The following FAM135B variants were observed in gnomAD, a reference collection of about 807,000 sequenced individuals.
FAM135B encodes family with sequence similarity 135 member B, also known as protein FAM135B.
FAM135B carries 43 observed loss-of-function variants against 127.7 expected under a neutral mutation model. The ratio of observed to expected loss-of-function variants is 0.34; its 90% confidence interval spans 0.26 to 0.43. The LOEUF (loss-of-function observed/expected upper bound fraction) is 0.43. Ranked by LOEUF, FAM135B falls within the 20% of genes least tolerant of loss-of-function variation. The pLI is 1.00. For synonymous variants in FAM135B, 670 were observed against 665.1 expected, an observed-to-expected ratio of 1.01 and a Z score of -0.11; for missense variants, 1,558 against 1,725.6, an observed-to-expected ratio of 0.90 and a Z score of 1.72.
Position 138,197,652 on chromosome 8 carries a change from G to A in FAM135B, c.687C>T (p.Thr229=), listed in dbSNP as rs768648284. The A allele has an allele frequency of 4.3e-6, 7 of 1,614,076 alleles. No homozygotes were observed. Among genetic ancestry groups the A allele is most frequent in the Non-Finnish European group, 5.9e-6 (7 of 1,179,916 alleles). ...PTSSEGSFYI[T]SENCMQHAHK... is the part of the protein sequence containing the mutation. ...GTGCGTGCTGCATGCAGTTCTCAGAGGTGATGTAGAAGCTTCCCTAAGGGG... is the reference window on the plus strand; with the variant it reads ...GTGCGTGCTGCATGCAGTTCTCAGAAGTGATGTAGAAGCTTCCCTAAGGGG... Residue 229 remains threonine (T), a synonymous_variant, in exon 8 of 20, where the codon ACC becomes ACT. Coordinates refer to ENST00000395297, the MANE Select transcript of FAM135B (RefSeq NM_015912.4).
At chr8:138,197,344 T>G (rs2131133046) in intron 8 of FAM135B, among the ~76,000 whole-genome samples, 172 bp downstream of exon 8, 1 of 152,282 alleles carries the variant, frequency 6.6e-6, no homozygotes, top group East Asian at 1.9e-4. Context: ...CTTACTGCAT[T>G]TGCATTTCCC....
chr8:138,455,091 C>A (rs1178211495), intron 1 of FAM135B, among the ~76,000 whole-genome samples: 1 of 152,170 alleles, frequency 6.6e-6, no homozygotes, highest in Non-Finnish European at 1.5e-5. Context: ...GATTTTGTGA[C>A]CTTCAGAAAG....
At chr8:138,251,157 G>C in intron 5 of FAM135B, 143 bp from the exon 6 acceptor site, 3 of 981,004 alleles carry the variant, frequency 3.1e-6, no homozygotes, top group Non-Finnish European at 4.5e-6. Context: ...CTGCCTGGTA[G>C]AAATCATTTT....
chr8:138,210,747 C>A (rs1003908679), intron 7 of FAM135B, among the ~76,000 whole-genome samples: 2 of 152,158 alleles, frequency 1.3e-5, no homozygotes, highest in African/African-American at 2.4e-5. Context: ...GGTGCAGACA[C>A]AGAGTCAAAC....
intron 1 of FAM135B, among the ~76,000 whole-genome samples, chr8:138,491,641 T>C (rs1332757484): frequency 6.6e-6 from 1 of 152,216 alleles, no homozygotes. Flanking sequence ...AGCAAACATT[T>C]ACTGAGTGCA....
chr8:138,365,938 G>C (rs1282643618), intron 2 of FAM135B, among the ~76,000 whole-genome samples: 2 of 152,068 alleles, frequency 1.3e-5, no homozygotes, highest in Admixed American at 6.6e-5. Context: ...CTAATTATTA[G>C]TGAAGCTTGA....
chr8:138,323,773 G>A (rs1232514631), intron 2 of FAM135B, among the ~76,000 whole-genome samples: 4 of 152,216 alleles, frequency 2.6e-5, no homozygotes, highest in African/African-American at 9.6e-5. Context: ...GACACAGACA[G>A]TCTGACTTCT....
chr8:138,214,258 A>G (rs1818373314), intron 7 of FAM135B, among the ~76,000 whole-genome samples: 2 of 152,220 alleles, frequency 1.3e-5, no homozygotes, highest in South Asian at 4.1e-4. Context: ...GGTAATAAAC[A>G]GTTCTATCAA....
At chr8:138,265,628 A>G (rs1822853525) in intron 4 of FAM135B, 75 bp downstream of exon 4, 1 of 1,540,252 alleles carries the variant, frequency 6.5e-7, no homozygotes, top group Non-Finnish European at 8.9e-7. Context: ...TTCTTTCAAC[A>G]TTTACCTAGC....
At chr8:138,163,763 T>C (rs1446639088) in intron 12 of FAM135B, among the ~76,000 whole-genome samples, 2 of 152,152 alleles carry the variant, frequency 1.3e-5, no homozygotes, top group Non-Finnish European at 2.9e-5. Context: ...AACATACTAA[T>C]ACACCATGAA....
chr8:138,326,874 C>T (rs1456023575), intron 2 of FAM135B, among the ~76,000 whole-genome samples: 1 of 152,110 alleles, frequency 6.6e-6, no homozygotes, highest in Non-Finnish European at 1.5e-5. Context: ...ACACAGTAAG[C>T]ACCAAGTCCT....
chr8:138,440,899 T>C (rs1835721542), intron 1 of FAM135B: 1 of 152,182 alleles, frequency 6.6e-6, no homozygotes, highest in Non-Finnish European at 1.5e-5. Flanking sequence ...ACTGTGTGAG[T>C]TCCTGAGCCT....
chr8:138,224,915 C>A (rs1013977119), intron 7 of FAM135B, among the ~76,000 whole-genome samples: 6 of 152,012 alleles, frequency 3.9e-5, no homozygotes, highest in African/African-American at 9.6e-5. Flanking sequence ...ACTGGCTGGG[C>A]AGAGGTGGGG....
intron 3 of FAM135B, among the ~76,000 whole-genome samples, chr8:138,280,159 C>T (rs933648152): frequency 6.6e-5 from 10 of 152,166 alleles, no homozygotes; most frequent in African/African-American, 2.2e-4. Flanking sequence ...TGCCCTGATG[C>T]TTACTAGGGT....
intron 7 of FAM135B, among the ~76,000 whole-genome samples, chr8:138,225,657 A>C (rs1356243061): frequency 1.3e-5 from 2 of 152,136 alleles, no homozygotes; most frequent in Non-Finnish European, 2.9e-5. Flanking sequence ...TTAATAAGGC[A>C]CTGCTCTTAG....
chr8:138,446,676 A>G (rs931013462), intron 1 of FAM135B, among the ~76,000 whole-genome samples: 4 of 152,120 alleles, frequency 2.6e-5, no homozygotes, highest in African/African-American at 9.7e-5. Context: ...AAAGACTTAC[A>G]TGTTAGACCT....
intron 12 of FAM135B, among the ~76,000 whole-genome samples, chr8:138,162,264 A>G (rs544257939): frequency 6.6e-6 from 1 of 152,298 alleles, no homozygotes; most frequent in South Asian, 2.1e-4. Context: ...GATAGTAAAA[A>G]CACCAGTGGT....
At chr8:138,380,986 CA>C (rs34383833) in intron 1 of FAM135B, among the ~76,000 whole-genome samples, 14 of 150,088 alleles carry the variant, frequency 9.3e-5, no homozygotes, top group East Asian at 4.0e-4. Flanking sequence ...AACAAACAAA[CA>C]AAAAAAAACA....
At chr8:138,493,693 C>T (rs975600703) in intron 1 of FAM135B, among the ~76,000 whole-genome samples, 1 of 152,146 alleles carries the variant, frequency 6.6e-6, no homozygotes, top group Non-Finnish European at 1.5e-5. Context: ...AAGGATTTTG[C>T]TCATTTTCTA....
Sources: allele counts gnomAD v4.1 joint callset (sites outside exome capture counted in the v4.1 genomes callset), GRCh38; gene constraint gnomAD v4.1.1; transcripts MANE v1.5; gene names NCBI Gene and HGNC (gene_info 2026-07-23, HGNC 2026-07-21).